USH2A: variants seen among roughly 807,000 people sequenced by gnomAD.
USH2A encodes usherin, also known as Usher syndrome 2A (autosomal recessive, mild).
Under a neutral mutation model 538.9 loss-of-function variants are expected in USH2A, and 443 were observed. The ratio of observed to expected loss-of-function variants is 0.82; its 90% CI spans 0.76 to 0.89. The LOEUF (loss-of-function observed/expected upper bound fraction) is 0.89, where lower values mean the gene tolerates loss of function less well. USH2A is among the 40% of genes least tolerant of loss of function. The probability of loss-of-function intolerance (pLI) is 0.00; values close to 1 mark genes in which losing one functional copy is unlikely to be tolerated. For synonymous variants in USH2A, 2,413 were observed against 2,273.5 expected, an observed-to-expected ratio of 1.06 and a Z score of -1.75; for missense variants, 6,633 against 6,324.8, an observed-to-expected ratio of 1.05 and a Z score of -1.65.
chr1:215,630,118 G>C (rs1656215460), intron 70 of USH2A: 1 of 516,918 alleles, frequency 1.9e-6, no homozygotes, highest in South Asian at 1.4e-5. Flanking sequence ...TCAATGATCT[G>C]TTCCTGCTTT....
intron 52 of USH2A, among the ~76,000 whole-genome samples, chr1:215,784,226 T>C (rs1661726340): frequency 6.6e-6 from 1 of 152,110 alleles, no homozygotes; most frequent in Admixed American, 6.6e-5. Context: ...TGAAGGAGTA[T>C]AGAAAGACAC....
chr1:216,244,354 G>T (rs936236304), intron 13 of USH2A, among the ~76,000 whole-genome samples: 1 of 152,114 alleles, frequency 6.6e-6, no homozygotes, highest in Non-Finnish European at 1.5e-5. Context: ...AACTCATAAA[G>T]GTTTGCCCAG....
intron 55 of USH2A, among the ~76,000 whole-genome samples, chr1:215,779,329 G>GTATAAT (rs1293082514): frequency 6.6e-6 from 1 of 151,966 alleles, no homozygotes; most frequent in African/African-American, 2.4e-5. Flanking sequence ...TAAGGCTAAT[G>GTATAAT]ATAATAAACA....
In USH2A at chr1:215,819,967, G is replaced by A. The variant is rs374519308; in HGVS notation, c.9372-2772C>T. 7.2e-5 allele frequency among the ~76,000 whole-genome samples: 11 copies of A among 151,740 alleles called. No individual in the cohort carries two copies. In the East Asian group the frequency reaches 1.4e-3, roughly 19 times the overall value. ...TTGAGAAATATGCATCATTATTAGC[G>A]GGATTAATAGTTTCATTGCTTTGAT... On this transcript the variant is annotated intron_variant, in intron 47 of 71. Transcript: ENST00000307340.
chr1:215,877,897 G>A lies in USH2A; in HGVS notation c.8559-17C>T. The A allele has an allele frequency of 6.2e-7, 1 of 1,613,456 alleles. No homozygotes were observed. The highest frequency in any genetic ancestry group is 8.5e-7 in the Non-Finnish European group (1 of 1,179,520). On this transcript the variant is annotated splice_polypyrimidine_tract_variant and intron_variant, in intron 42 of 71. Transcript: ENST00000307340. ...AGCTCATATCTAAAGCAAAAGACAAGCAGGAACATCAGGATTATCTCAACT... is the reference window on the plus strand; with the variant it reads ...AGCTCATATCTAAAGCAAAAGACAAACAGGAACATCAGGATTATCTCAACT...
chr1:215,852,786 A>C (rs1389845686), intron 44 of USH2A, among the ~76,000 whole-genome samples: 1 of 152,194 alleles, frequency 6.6e-6, no homozygotes, highest in Non-Finnish European at 1.5e-5. Flanking sequence ...AAAGCTCCAA[A>C]ATGATCTCTT....
chr1:216,111,538 C>T (rs2032870153), intron 21 of USH2A, among the ~76,000 whole-genome samples: 1 of 151,452 alleles, frequency 6.6e-6, no homozygotes, highest in Non-Finnish European at 1.5e-5. Context: ...CAGAAAATTC[C>T]AATATTATAA....
At chr1:215,846,313 A>G (rs1320592728) in intron 44 of USH2A, among the ~76,000 whole-genome samples, 2 of 152,106 alleles carry the variant, frequency 1.3e-5, no homozygotes, top group East Asian at 3.9e-4. Flanking sequence ...CTTGGGCTCA[A>G]GCGATCCTCC....
chr1:216,215,423 G>A (rs894245855), intron 15 of USH2A, among the ~76,000 whole-genome samples: 8 of 152,012 alleles, frequency 5.3e-5, no homozygotes, highest in Non-Finnish European at 1.2e-4. Context: ...GCTGGCTTCT[G>A]CTAGGATCAA....
At chr1:215,761,964 C>T (rs927447743) in intron 56 of USH2A, among the ~76,000 whole-genome samples, 3 of 152,132 alleles carry the variant, frequency 2.0e-5, no homozygotes, top group Non-Finnish European at 1.5e-5. Flanking sequence ...GATTTTGACA[C>T]TTTTAGAAGA....
intron 9 of USH2A, among the ~76,000 whole-genome samples, chr1:216,314,971 C>A (rs779945015): frequency 3.3e-5 from 5 of 152,036 alleles, no homozygotes; most frequent in African/African-American, 4.8e-5. Context: ...TTGGCCAGAG[C>A]CCCGAAAGGT....
At chr1:215,945,112 A>T (rs1184946057) in intron 37 of USH2A, among the ~76,000 whole-genome samples, 1 of 152,174 alleles carries the variant, frequency 6.6e-6, no homozygotes, top group African/African-American at 2.4e-5. Context: ...ATAATATGGT[A>T]CCATGAGTCC....
rs758369437 is a variant in USH2A at position 215,675,091 on chromosome 1, C to T, written c.12820G>A (p.Val4274Ile). ...EGLSPPVISYVSMNPQKLLIS... is the reference protein window; with the variant it reads ...EGLSPPVISYISMNPQKLLIS... ...AGCAGTTTTTGGGGATTCATAGAAA[C>T]ATAGGATATCACAGGTGGAGAGAGA... The change falls in exon 63 of 72, where the codon GTT (valine) becomes ATT (isoleucine). Residue 4274 changes from valine (V) to isoleucine (I), a missense_variant. Val to Ile is a conservative substitution (Grantham distance 29, BLOSUM62 3). Transcript: ENST00000307340. 9.3e-6 allele frequency: 15 copies of T among 1,614,086 alleles called. No homozygotes were observed. The highest frequency in any genetic ancestry group is 3.3e-5 in the Admixed American group (2 of 60,012).
At chr1:216,358,466 T>C (rs2038428096) in intron 4 of USH2A, among the ~76,000 whole-genome samples, 1 of 152,108 alleles carries the variant, frequency 6.6e-6, no homozygotes, top group Admixed American at 6.6e-5. Flanking sequence ...GACAGTGACT[T>C]AATTTTTTGA....
chr1:216,099,740 A>G (rs2032532076), intron 21 of USH2A, among the ~76,000 whole-genome samples: 1 of 152,184 alleles, frequency 6.6e-6, no homozygotes, highest in South Asian at 2.1e-4. Context: ...CATTCTTTTC[A>G]CCAATTATTG....
At chr1:216,387,730 A>T (rs1392444813) in intron 3 of USH2A, among the ~76,000 whole-genome samples, 1 of 152,170 alleles carries the variant, frequency 6.6e-6, no homozygotes, top group Admixed American at 6.5e-5. Flanking sequence ...TTATAGCAAC[A>T]CTTCCAAAAT....
chr1:215,874,008 G>A (rs1040969485), intron 43 of USH2A, among the ~76,000 whole-genome samples: 10 of 152,130 alleles, frequency 6.6e-5, no homozygotes, highest in Non-Finnish European at 1.0e-4. Flanking sequence ...AGGAGAACAT[G>A]CTCATTGTAT....
intron 68 of USH2A, among the ~76,000 whole-genome samples, chr1:215,639,670 G>A (rs1184077849): frequency 1.3e-5 from 2 of 152,144 alleles, no homozygotes; most frequent in Non-Finnish European, 2.9e-5. Flanking sequence ...CAATGGCCAG[G>A]AACCTGAGGG....
At chr1:216,203,250 CAT>C (rs1438000343) in intron 16 of USH2A, among the ~76,000 whole-genome samples, 2 of 151,414 alleles carry the variant, frequency 1.3e-5, no homozygotes, top group South Asian at 2.1e-4. Flanking sequence ...CACATATACA[CAT>C]ATATATACAT....
Sources: allele counts gnomAD v4.1 joint callset (sites outside exome capture counted in the v4.1 genomes callset), GRCh38; gene constraint gnomAD v4.1.1; transcripts MANE v1.5; gene names NCBI Gene and HGNC (gene_info 2026-07-23, HGNC 2026-07-21).